Variants in ITGA1 observed in about 807,000 individuals in gnomAD.
The protein encoded by ITGA1 is integrin alpha-1.
In ITGA1, 85 loss-of-function variants were observed where a neutral mutation model predicts 145.9. The observed-to-expected ratio is 0.58, with a 90% CI of 0.49 to 0.70. The LOEUF (loss-of-function observed/expected upper bound fraction) is 0.70. Among genes scored for constraint, ITGA1 ranks in the 30% least tolerant of loss-of-function variants. The pLI is 0.00. For synonymous variants in ITGA1, 520 were observed against 495.3 expected (o/e 1.05, Z -0.66); for missense variants, 1,351 against 1,418.7 (o/e 0.95, Z 0.77).
intron 22 of ITGA1, 162 bp from the exon 23 acceptor site, chr5:52,933,732 C>T: frequency 2.7e-6 from 1 of 367,126 alleles, no homozygotes; most frequent in Non-Finnish European, 5.0e-6. Context: ...TCACTCTCCT[C>T]AAAGATTTAA....
chr5:52,900,371 G>C (rs1750295674), intron 11 of ITGA1, among the ~76,000 whole-genome samples: 2 of 152,040 alleles, frequency 1.3e-5, no homozygotes. Flanking sequence ...TGTTTACAGA[G>C]CTATAAAAAA....
At chr5:52,930,474 T>C (rs1277892434) in intron 21 of ITGA1, among the ~76,000 whole-genome samples, 3 of 152,146 alleles carry the variant, frequency 2.0e-5, no homozygotes, top group Admixed American at 6.6e-5. Context: ...AAACTCCTCA[T>C]AGGGTAAGTA....
intron 27 of ITGA1, among the ~76,000 whole-genome samples, chr5:52,946,504 CCT>C (rs1751137695): frequency 6.6e-6 from 1 of 152,080 alleles, no homozygotes; most frequent in Non-Finnish European, 1.5e-5. Context: ...AAATCTCTCC[CCT>C]GTTAGTTTCT....
Position 52,804,094 on chromosome 5 carries a change from G to A in ITGA1, c.61+15680G>A, listed in dbSNP as rs568051280. ...TTCTTACTAGATCATAGGTGAAAAT[G>A]TCAATAATGATAGGAGCAAATTAAA... On this transcript the variant is annotated intron_variant, in intron 1 of 28. Coordinates refer to ENST00000282588, the MANE Select transcript of ITGA1 (RefSeq NM_181501.2). 2.6e-5 allele frequency: 4 copies of A among 152,110 alleles called. No individual in the cohort carries two copies. In the South Asian group the frequency reaches 6.2e-4, roughly 24 times the overall value. The allele number at this position is 152,110 out of a possible 1,614,324, so 9.4% of individuals were successfully genotyped here.
intron 26 of ITGA1, among the ~76,000 whole-genome samples, chr5:52,942,175 T>C (rs1297535344): frequency 6.6e-6 from 1 of 152,228 alleles, no homozygotes. Flanking sequence ...TTGATTACCG[T>C]AGCCTTATAG....
intron 10 of ITGA1, 144 bp downstream of exon 10, chr5:52,897,672 C>G: frequency 1.6e-6 from 1 of 619,388 alleles, no homozygotes; most frequent in Non-Finnish European, 2.9e-6. Flanking sequence ...TTTTCTAATT[C>G]AAATAGGAAA....
At chr5:52,888,027 T>C (rs1750082449) in intron 8 of ITGA1, 62 bp downstream of exon 8, 2 of 1,497,502 alleles carry the variant, frequency 1.3e-6, no homozygotes, top group East Asian at 2.3e-5. Flanking sequence ...GTGTGCATAT[T>C]GGGTAATTTT....
At chr5:52,808,316 T>C (rs1580036772) in intron 1 of ITGA1, among the ~76,000 whole-genome samples, 1 of 152,248 alleles carries the variant, frequency 6.6e-6, no homozygotes, top group Non-Finnish European at 1.5e-5. Flanking sequence ...AGAGTTTTAC[T>C]ATGCCTTAAT....
intron 2 of ITGA1, among the ~76,000 whole-genome samples, chr5:52,855,627 C>G (rs543678117): frequency 1.1e-4 from 16 of 152,218 alleles, no homozygotes; most frequent in African/African-American, 3.9e-4. Flanking sequence ...TAGGTTACAT[C>G]AAATGCCAGA....
chr5:52,934,141 A>C (rs536994032), intron 23 of ITGA1, 145 bp downstream of exon 23: 1 of 236,240 alleles, frequency 4.2e-6, no homozygotes, highest in Non-Finnish European at 8.4e-6. Context: ...CATAAATATA[A>C]ATATAGACAT....
chr5:52,944,846 G>C (rs1165070708), intron 26 of ITGA1, 97 bp from the exon 27 acceptor site: 3 of 823,426 alleles, frequency 3.6e-6, no homozygotes, highest in African/African-American at 1.7e-5. Context: ...TAATCTCTCA[G>C]AAAAATCTTA....
At chr5:52,904,498 C>G (rs1476288597) in intron 11 of ITGA1, 1 of 151,450 alleles carries the variant, frequency 6.6e-6, no homozygotes, top group Non-Finnish European at 1.5e-5. Flanking sequence ...AAAATATATG[C>G]AAATAAAATC....
At chr5:52,881,831 A>T (rs1483375927) in intron 6 of ITGA1, 42 bp from the exon 7 acceptor site, 1 of 1,562,938 alleles carries the variant, frequency 6.4e-7, no homozygotes, top group African/African-American at 1.4e-5. Flanking sequence ...CTGAACAGGA[A>T]ATTTGGATTG....
At chr5:52,905,940 T>A in intron 12 of ITGA1, 32 bp downstream of exon 12, 1 of 1,579,098 alleles carries the variant, frequency 6.3e-7, no homozygotes, top group Non-Finnish European at 8.7e-7. Context: ...TTATTTAAAT[T>A]AATCTATTCA....
chr5:52,937,027 GT>G (rs1206266062), intron 23 of ITGA1, among the ~76,000 whole-genome samples: 1 of 140,696 alleles, frequency 7.1e-6, no homozygotes, highest in Non-Finnish European at 1.5e-5. Context: ...CTTCTTTCCA[GT>G]TTCAAAAAGA....
At chr5:52,944,678 T>G (rs1450789193) in intron 26 of ITGA1, among the ~76,000 whole-genome samples, 1 of 152,216 alleles carries the variant, frequency 6.6e-6, no homozygotes. Context: ...GGTTTGTTTT[T>G]TCTAATGATA....
intron 14 of ITGA1, among the ~76,000 whole-genome samples, chr5:52,912,000 C>CTATATA (rs1750556913): frequency 1.3e-5 from 1 of 74,276 alleles, no homozygotes; most frequent in Non-Finnish European, 2.6e-5. Flanking sequence ...TAGTGTGTAT[C>CTATATA]TACTATATAT....
rs867477661 is a variant in ITGA1, at chr5:52,871,778, A to G, written c.624+5961A>G. 2.0e-5 allele frequency among the ~76,000 whole-genome samples: 3 copies of G among 152,156 alleles called. No homozygotes were observed. In the South Asian group the frequency reaches 6.2e-4, roughly 31 times the overall value. ...TATGTTTCTGTGTGGCCCAATTAAG[A>G]CTTTTGCAAGCATAGTCAAGGAATT... On this transcript the variant is annotated intron_variant, in intron 6 of 28. Coordinates refer to ENST00000282588, the MANE Select transcript of ITGA1 (RefSeq NM_181501.2).
intron 7 of ITGA1, chr5:52,883,025 A>T (rs1461276752): frequency 6.6e-6 from 1 of 152,192 alleles, no homozygotes; most frequent in Non-Finnish European, 1.5e-5. Context: ...TTGCCTCATG[A>T]ATATTAGAAA....
Sources: allele counts gnomAD v4.1 joint callset (sites outside exome capture counted in the v4.1 genomes callset), GRCh38; gene constraint gnomAD v4.1.1; transcripts MANE v1.5; gene names NCBI Gene and HGNC (gene_info 2026-07-23, HGNC 2026-07-21).